The following FBXO11 variants were observed in gnomAD, a reference collection of about 807,000 sequenced individuals.
The protein encoded by FBXO11 is F-box protein 11, also known as F-box only protein 11.
Under a neutral mutation model 117.0 loss-of-function variants are expected in FBXO11, and 13 were observed. The observed-to-expected ratio is 0.11, with a 90% CI of 0.07 to 0.18. The LOEUF (loss-of-function observed/expected upper bound fraction) is 0.18. Ranked by LOEUF, FBXO11 falls within the 10% of genes least tolerant of loss-of-function variation. The probability of loss-of-function intolerance (pLI) is 1.00; values close to 1 mark genes in which losing one functional copy is unlikely to be tolerated. For synonymous variants in FBXO11, 490 were observed against 380.5 expected, an observed-to-expected ratio of 1.29 and a Z score of -3.35; for missense variants, 767 against 1,164.4, an observed-to-expected ratio of 0.66 and a Z score of 4.97.
intron 1 of FBXO11, among the ~76,000 whole-genome samples, chr2:47,880,028 C>T (rs1287357898): frequency 6.6e-6 from 1 of 151,632 alleles, no homozygotes; most frequent in Non-Finnish European, 1.5e-5. Context: ...CGGGGTCTCA[C>T]TCTGTCACCC....
At chr2:47,850,991 A>T (rs1031479453) in intron 1 of FBXO11, among the ~76,000 whole-genome samples, 3 of 152,220 alleles carry the variant, frequency 2.0e-5, no homozygotes, top group Non-Finnish European at 4.4e-5. Flanking sequence ...GCAAGAAAAA[A>T]TTTTTTAAAG....
intron 19 of FBXO11, 89 bp downstream of exon 19, chr2:47,810,227 G>C (rs917462915): frequency 1.2e-6 from 1 of 833,234 alleles, no homozygotes; most frequent in Non-Finnish European, 1.8e-6. Context: ...GCACATTTTA[G>C]TTAATAAGCA....
At chr2:47,842,482 CAAAGGTATA>C (rs1673088711) in intron 1 of FBXO11, among the ~76,000 whole-genome samples, 1 of 151,886 alleles carries the variant, frequency 6.6e-6, no homozygotes, top group Admixed American at 6.6e-5. Flanking sequence ...TTCATAATAA[CAAAGGTATA>C]AAAAGGGGGG....
intron 1 of FBXO11, among the ~76,000 whole-genome samples, chr2:47,890,084 A>T (rs913955628): frequency 3.3e-5 from 5 of 152,136 alleles, no homozygotes; most frequent in Non-Finnish European, 7.4e-5. Flanking sequence ...CTGAGTAGCT[A>T]GGACTACAGG....
chr2:47,866,206 AC>A, intron 1 of FBXO11, among the ~76,000 whole-genome samples: 1 of 147,850 alleles, frequency 6.8e-6, no homozygotes, highest in Non-Finnish European at 1.5e-5. Context: ...GGATCTTGCC[AC>A]TGCACTTCAG....
chr2:47,810,553 T>C, intron 18 of FBXO11, 127 bp from the exon 19 acceptor site: 1 of 568,620 alleles, frequency 1.8e-6, no homozygotes, highest in Non-Finnish European at 3.0e-6. Flanking sequence ...GACTATTTTT[T>C]CAGCCAAAAC....
chr2:47,866,021 C>G (rs1471391028), intron 1 of FBXO11: 1 of 151,994 alleles, frequency 6.6e-6, no homozygotes, highest in Non-Finnish European at 1.5e-5. Context: ...GAGGCTGAGG[C>G]AGGAAGAATC....
intron 11 of FBXO11, among the ~76,000 whole-genome samples, chr2:47,824,467 GGAC>G (rs1671605101): frequency 6.6e-6 from 1 of 152,094 alleles, no homozygotes; most frequent in Admixed American, 6.6e-5. Flanking sequence ...ACTCCAGCCT[GGAC>G]AACAGAGTCT....
At chr2:47,851,252 A>C (rs1014884041) in intron 1 of FBXO11, among the ~76,000 whole-genome samples, 1 of 152,088 alleles carries the variant, frequency 6.6e-6, no homozygotes, top group African/African-American at 2.4e-5. Flanking sequence ...TTTGAGACAG[A>C]GTCTCATTCT....
chr2:47,842,612 T>C (rs907709253), intron 1 of FBXO11, among the ~76,000 whole-genome samples: 2 of 152,124 alleles, frequency 1.3e-5, no homozygotes, highest in Non-Finnish European at 2.9e-5. Context: ...GATAAGAGTA[T>C]GTTATAATTG....
At chr2:47,890,260 A>G (rs139988253) in intron 1 of FBXO11, among the ~76,000 whole-genome samples, 2 of 152,222 alleles carry the variant, frequency 1.3e-5, no homozygotes, top group East Asian at 3.9e-4. Context: ...AGCCATGGTG[A>G]GTGGACTAAT....
intron 11 of FBXO11, among the ~76,000 whole-genome samples, chr2:47,825,668 C>T (rs1284273322): frequency 6.7e-6 from 1 of 149,486 alleles, no homozygotes; most frequent in Non-Finnish European, 1.5e-5. Context: ...CCTCAATCTC[C>T]TGGGCTCAAA....
At chr2:47,865,030 A>C (rs1675088404) in intron 1 of FBXO11, among the ~76,000 whole-genome samples, 1 of 152,236 alleles carries the variant, frequency 6.6e-6, no homozygotes, top group Admixed American at 6.5e-5. Flanking sequence ...TTAAACTAAA[A>C]ATTTCCTGAA....
chr2:47,862,597 G>A (rs554739539), intron 1 of FBXO11, among the ~76,000 whole-genome samples: 5 of 152,234 alleles, frequency 3.3e-5, no homozygotes, highest in Non-Finnish European at 7.4e-5. Context: ...AAGGGCAAAT[G>A]TTTAATCATA....
chr2:47,892,387 A>C (rs1677321615), intron 1 of FBXO11, among the ~76,000 whole-genome samples: 1 of 152,234 alleles, frequency 6.6e-6, no homozygotes, highest in Non-Finnish European at 1.5e-5. Flanking sequence ...AACACATGTC[A>C]CTGATTGGTA....
At chr2:47,852,674 T>C (rs1400094113) in intron 1 of FBXO11, among the ~76,000 whole-genome samples, 4 of 152,198 alleles carry the variant, frequency 2.6e-5, no homozygotes, top group Non-Finnish European at 1.5e-5. Flanking sequence ...ATGATAATAA[T>C]GATAGTAATT....
chr2:47,833,123 G>T, intron 7 of FBXO11, 53 bp from the exon 8 acceptor site: 2 of 1,232,852 alleles, frequency 1.6e-6, no homozygotes, highest in East Asian at 2.3e-5. Flanking sequence ...TCAACAGATG[G>T]GTATCTTTAT....
chr2:47,898,859 T>C (rs1299785599), intron 1 of FBXO11, among the ~76,000 whole-genome samples: 1 of 152,138 alleles, frequency 6.6e-6, no homozygotes, highest in Non-Finnish European at 1.5e-5. Flanking sequence ...TATAGAAAGA[T>C]TAGGTGATAT....
intron 11 of FBXO11, among the ~76,000 whole-genome samples, chr2:47,829,110 G>T (rs146945445): frequency 0.072 from 10,862 of 151,698 alleles, 555 homozygotes; most frequent in Non-Finnish European, 0.11. Flanking sequence ...GGCCAGGCTG[G>T]TCTTGAACTC....
Sources: gnomAD v4.1 joint callset for allele counts (sites outside exome capture counted in the v4.1 genomes callset) on GRCh38, gnomAD v4.1.1 for gene constraint, MANE v1.5 for transcripts, NCBI Gene and HGNC (gene_info 2026-07-23, HGNC 2026-07-21) for gene names.